Variants in GREB1L observed in about 807,000 individuals in gnomAD.
The protein encoded by GREB1L is GREB1-like protein.
In GREB1L, 17 loss-of-function variants were observed where a neutral mutation model predicts 200.8. The ratio of observed to expected loss-of-function variants is 0.08; its 90% CI spans 0.06 to 0.13. The LOEUF is 0.13. Among genes scored for constraint, GREB1L ranks in the 10% least tolerant of loss-of-function variants. GREB1L has a pLI of 1.00. For missense variants in GREB1L, 1,657 were observed against 2,367.7 expected, an observed-to-expected ratio of 0.70 and a Z score of 6.23; for synonymous variants, 789 against 893.0, an observed-to-expected ratio of 0.88 and a Z score of 2.08.
At position 21,429,847 on chromosome 18, in the gene GREB1L, C is replaced by T. The variant is rs185376839; in HGVS notation, c.833-9674C>T. On this transcript the variant is annotated intron_variant, in intron 7 of 32. Transcript: ENST00000424526. ...CTAATTTGATGGCTATATTAGTTTGCGAGGGCTGCCTTAACAAAATACCAC... is the reference window on the plus strand; with the variant it reads ...CTAATTTGATGGCTATATTAGTTTGTGAGGGCTGCCTTAACAAAATACCAC... 2.4e-4 allele frequency among the ~76,000 whole-genome samples: 36 copies of T among 152,120 alleles called. 1 individual carries two copies. Among genetic ancestry groups the T allele is most frequent in the Admixed American group, 4.6e-4 (7 of 15,282 alleles).
At chr18:21,488,080 G>T (rs559313757) in intron 18 of GREB1L, among the ~76,000 whole-genome samples, 1 of 151,860 alleles carries the variant, frequency 6.6e-6, no homozygotes. Flanking sequence ...TGAGGTGGGC[G>T]GATCACCTGA....
At chr18:21,301,493 C>T (rs1201696327) in intron 1 of GREB1L, among the ~76,000 whole-genome samples, 1 of 152,144 alleles carries the variant, frequency 6.6e-6, no homozygotes, top group Admixed American at 6.5e-5. Flanking sequence ...AAATTTAGGT[C>T]AATAAATGGA....
At chr18:21,497,642 C>T (rs546296829) in intron 21 of GREB1L, among the ~76,000 whole-genome samples, 2 of 146,080 alleles carry the variant, frequency 1.4e-5, no homozygotes, top group African/African-American at 5.1e-5. Context: ...AAAACTCTGT[C>T]TCAAAAAAAA....
intron 17 of GREB1L, among the ~76,000 whole-genome samples, chr18:21,483,331 A>C (rs934785375): frequency 1.3e-5 from 2 of 152,122 alleles, no homozygotes; most frequent in African/African-American, 4.8e-5. Context: ...TTTCCAGATG[A>C]CTCTGTGTCT....
chr18:21,319,348 G>A (rs2038917856), intron 1 of GREB1L, among the ~76,000 whole-genome samples: 1 of 152,194 alleles, frequency 6.6e-6, no homozygotes, highest in African/African-American at 2.4e-5. Context: ...ACCAATTGTA[G>A]ATCCCAATCA....
intron 19 of GREB1L, among the ~76,000 whole-genome samples, chr18:21,494,557 G>T (rs867222308): frequency 1.3e-5 from 2 of 151,898 alleles, no homozygotes; most frequent in African/African-American, 4.8e-5. Flanking sequence ...TACTGGCCAG[G>T]TATGGTAGCT....
intron 1 of GREB1L, among the ~76,000 whole-genome samples, chr18:21,251,944 C>CA (rs11422185): frequency 0.3 from 21,376 of 72,156 alleles, 3,986 homozygotes; most frequent in African/African-American, 0.56. Flanking sequence ...GACTCCATCT[C>CA]AAAAAAAAAA....
At chr18:21,272,805 A>G (rs1438351327) in intron 1 of GREB1L, among the ~76,000 whole-genome samples, 1 of 152,274 alleles carries the variant, frequency 6.6e-6, no homozygotes, top group Non-Finnish European at 1.5e-5. Context: ...ATAAAAAAAG[A>G]TGTAATTGAA....
intron 1 of GREB1L, among the ~76,000 whole-genome samples, chr18:21,278,536 C>T (rs1190746737): frequency 6.6e-6 from 1 of 151,934 alleles, no homozygotes; most frequent in Non-Finnish European, 1.5e-5. Flanking sequence ...ATTTTTGGTA[C>T]TTGGTGGTAT....
chr18:21,319,454 T>G (rs1288870813), intron 1 of GREB1L, among the ~76,000 whole-genome samples: 1 of 152,256 alleles, frequency 6.6e-6, no homozygotes, highest in Non-Finnish European at 1.5e-5. Context: ...GGCCCTATAC[T>G]CTTATATTGT....
intron 1 of GREB1L, among the ~76,000 whole-genome samples, chr18:21,361,501 G>A (rs1488647824): frequency 1.3e-5 from 2 of 152,164 alleles, no homozygotes; most frequent in Non-Finnish European, 2.9e-5. Flanking sequence ...AAGCTTCCTA[G>A]ACATTACAGC....
chr18:21,341,274 T>C (rs2039265417), intron 1 of GREB1L, among the ~76,000 whole-genome samples: 1 of 152,216 alleles, frequency 6.6e-6, no homozygotes, highest in African/African-American at 2.4e-5. Context: ...CACTTGTCTT[T>C]ATGACAAAAC....
intron 1 of GREB1L, among the ~76,000 whole-genome samples, chr18:21,344,898 T>C (rs1264404517): frequency 1.3e-5 from 2 of 152,232 alleles, no homozygotes; most frequent in Non-Finnish European, 2.9e-5. Context: ...TCACTCTAAA[T>C]TCATTGTCCC....
At chr18:21,386,980 C>T (rs1464405172) in intron 4 of GREB1L, among the ~76,000 whole-genome samples, 1 of 152,144 alleles carries the variant, frequency 6.6e-6, no homozygotes, top group African/African-American at 2.4e-5. Context: ...TTACTTAAGG[C>T]TCAAAGAAAG....
intron 1 of GREB1L, among the ~76,000 whole-genome samples, chr18:21,253,515 T>C (rs958386095): frequency 6.6e-6 from 1 of 151,998 alleles, no homozygotes; most frequent in African/African-American, 2.4e-5. Flanking sequence ...CCTCCCAGAG[T>C]GCTGGAATTA....
chr18:21,459,229 AAG>A (rs1210775953), intron 15 of GREB1L, among the ~76,000 whole-genome samples: 1 of 151,796 alleles, frequency 6.6e-6, no homozygotes. Context: ...AGGGGAAGTG[AAG>A]AGAGAGAGGA....
At chr18:21,499,238 T>A (rs2036675949) in intron 21 of GREB1L, among the ~76,000 whole-genome samples, 1 of 152,022 alleles carries the variant, frequency 6.6e-6, no homozygotes, top group African/African-American at 2.4e-5. Context: ...TTGGGTGGGG[T>A]CCTGGGAGGA....
intron 7 of GREB1L, among the ~76,000 whole-genome samples, chr18:21,410,854 G>T (rs997836293): frequency 6.6e-6 from 1 of 151,974 alleles, no homozygotes; most frequent in Non-Finnish European, 1.5e-5. Context: ...TCTTTGGGAG[G>T]CTGAGGCAGG....
chr18:21,393,910 G>A (rs2144329522), intron 4 of GREB1L, among the ~76,000 whole-genome samples: 1 of 152,282 alleles, frequency 6.6e-6, no homozygotes, highest in Non-Finnish European at 1.5e-5. Flanking sequence ...GGTTGCAAAT[G>A]ACAGAAACCC....
Sources: gnomAD v4.1 joint callset for allele counts (sites outside exome capture counted in the v4.1 genomes callset) on GRCh38, gnomAD v4.1.1 for gene constraint, MANE v1.5 for transcripts, NCBI Gene and HGNC (gene_info 2026-07-23, HGNC 2026-07-21) for gene names.